Variants in KLHL13 observed in about 807,000 individuals in gnomAD.
KLHL13 encodes kelch like family member 13, also known as kelch-like protein 13.
Under a neutral mutation model 37.1 loss-of-function variants are expected in KLHL13, and 10 were observed. The ratio of observed to expected loss-of-function variants is 0.27; its 90% CI spans 0.17 to 0.46. The LOEUF is 0.46. Among genes scored for constraint, KLHL13 ranks in the 20% least tolerant of loss-of-function variants. The pLI is 1.00. For synonymous variants in KLHL13, 163 were observed against 181.2 expected (o/e 0.90, Z 0.81); for missense variants, 360 against 509.3 (o/e 0.71, Z 2.82).
chrX:118,076,589 A>G (rs1365297863), intron 1 of KLHL13, among the ~76,000 whole-genome samples: 1 of 111,742 alleles, frequency 8.9e-6, no homozygotes, highest in Non-Finnish European at 1.9e-5. Flanking sequence ...TTATGTGTCA[A>G]CATGGTTATT....
At chrX:118,080,098 AT>A (rs1439199289) in intron 1 of KLHL13, among the ~76,000 whole-genome samples, 1 of 112,033 alleles carries the variant, frequency 8.9e-6, no homozygotes, top group African/African-American at 3.2e-5. Context: ...ATGAAACTGG[AT>A]ACTTGCCTTT....
intron 1 of KLHL13, among the ~76,000 whole-genome samples, chrX:118,095,736 C>A (rs1481368663): frequency 8.9e-6 from 1 of 112,232 alleles, no homozygotes; most frequent in Admixed American, 9.5e-5. Flanking sequence ...GATTAAGAAA[C>A]TCATTCAAAA....
chrX:117,917,212 C>T (rs765241039), intron 4 of KLHL13, among the ~76,000 whole-genome samples: 35 of 111,420 alleles, frequency 3.1e-4, no homozygotes, highest in Admixed American at 1.1e-3. Context: ...TACTCTAAAA[C>T]CATACAGACA....
chrX:118,086,688 T>C (rs906662860), intron 1 of KLHL13, among the ~76,000 whole-genome samples: 25 of 112,022 alleles, frequency 2.2e-4, no homozygotes, highest in Non-Finnish European at 3.6e-4. Context: ...TGTATTTGCA[T>C]AGAAAACATC....
At chrX:118,070,908 T>TC (rs1471879189) in intron 1 of KLHL13, among the ~76,000 whole-genome samples, 3 of 107,136 alleles carry the variant, frequency 2.8e-5, no homozygotes, top group Admixed American at 2.0e-4. Context: ...CCTCCCCCCT[T>TC]CCCCCACCCC....
intron 1 of KLHL13, among the ~76,000 whole-genome samples, chrX:118,036,853 G>A (rs2054449493): frequency 9.2e-6 from 1 of 108,401 alleles, no homozygotes; most frequent in South Asian, 4.0e-4. Flanking sequence ...ATCTGACAAA[G>A]GGCTAATATC....
At chrX:117,928,359 T>C (rs1024861973) in intron 2 of KLHL13, among the ~76,000 whole-genome samples, 8 of 112,082 alleles carry the variant, frequency 7.1e-5, no homozygotes, top group Non-Finnish European at 1.3e-4. Context: ...CTTGACCTAA[T>C]TGGCATTTAC....
At chrX:118,044,956 A>C (rs1331887622) in intron 1 of KLHL13, among the ~76,000 whole-genome samples, 1 of 112,406 alleles carries the variant, frequency 8.9e-6, no homozygotes, top group East Asian at 2.8e-4. Flanking sequence ...AGACAACGAT[A>C]GATGGATAAT....
chrX:117,930,322 A>AGGCAGGCAGGC (rs1569418674), intron 2 of KLHL13, among the ~76,000 whole-genome samples: 30 of 74,792 alleles, frequency 4.0e-4, no homozygotes, highest in African/African-American at 1.3e-3. Context: ...GGCAGGCAGG[A>AGGCAGGCAGGC]AGGCAGGAAG....
At chrX:118,089,606 G>GAA (rs1569313786) in intron 1 of KLHL13, among the ~76,000 whole-genome samples, 30 of 76,752 alleles carry the variant, frequency 3.9e-4, no homozygotes, top group African/African-American at 1.4e-3. Context: ...GAGAGAGAGA[G>GAA]AGAGAGAAAG....
In KLHL13 at chrX:118,000,160, C is replaced by T. The variant is rs142103596; in HGVS notation, c.-55-54585G>A. On this transcript the variant is annotated intron_variant, in intron 1 of 6. Coordinates refer to the KLHL13 transcript ENST00000371882. ...AAGTGCACATAGGTATTTACTATTG[C>T]CCTTACCCAAAACAGACCAATCTCC... Among the ~76,000 whole-genome samples the T allele has an allele frequency of 1.5e-3, 166 of 111,083 alleles. 2 individuals carry two copies. The highest frequency in any genetic ancestry group is 5.2e-3 in the African/African-American group (160 of 30,523).
At chrX:117,929,294 A>G (rs763502235) in intron 2 of KLHL13, among the ~76,000 whole-genome samples, 16 of 112,009 alleles carry the variant, frequency 1.4e-4, no homozygotes, top group Non-Finnish European at 2.6e-4. Flanking sequence ...AATCCAGAAT[A>G]TTAGGAGGAG....
intron 1 of KLHL13, among the ~76,000 whole-genome samples, chrX:118,024,807 G>A (rs370344033): frequency 2.7e-5 from 3 of 111,639 alleles, no homozygotes; most frequent in Non-Finnish European, 5.7e-5. Flanking sequence ...AAAAACGTTT[G>A]GTAGTTTCTA....
At chrX:117,979,834 AT>A (rs781365549) in intron 1 of KLHL13, among the ~76,000 whole-genome samples, 2 of 111,833 alleles carry the variant, frequency 1.8e-5, no homozygotes, top group Non-Finnish European at 3.8e-5. Flanking sequence ...CAATAAAAAA[AT>A]CTCTATCACC....
chrX:117,908,206 G>A (rs182278276), intron 5 of KLHL13, among the ~76,000 whole-genome samples: 1 of 107,082 alleles, frequency 9.3e-6, no homozygotes, highest in East Asian at 2.9e-4. Flanking sequence ...CTTCCTTTCT[G>A]TCTTTCTGTC....
chrX:118,031,962 G>C (rs1175422182), intron 1 of KLHL13, among the ~76,000 whole-genome samples: 2 of 110,343 alleles, frequency 1.8e-5, no homozygotes, highest in Admixed American at 1.9e-4. Context: ...CCCTTTCCTA[G>C]TCAGAGAAAG....
At chrX:117,969,812 A>G (rs1186641038) in intron 1 of KLHL13, among the ~76,000 whole-genome samples, 2 of 111,909 alleles carry the variant, frequency 1.8e-5, no homozygotes, top group East Asian at 2.8e-4. Flanking sequence ...ACTATATAAG[A>G]TGCTATTTCT....
At chrX:117,999,786 C>A (rs766621155) in intron 1 of KLHL13, among the ~76,000 whole-genome samples, 1 of 111,206 alleles carries the variant, frequency 9.0e-6, no homozygotes, top group East Asian at 2.8e-4. Context: ...CATGGTGAAT[C>A]TGAAGCTGAG....
chrX:118,081,570 C>T (rs148543576), intron 1 of KLHL13, among the ~76,000 whole-genome samples: 1,590 of 111,766 alleles, frequency 0.014, 21 homozygotes, highest in Non-Finnish European at 0.021. Flanking sequence ...TCTATCACCT[C>T]AAACATTTAT....
Sources: gnomAD v4.1 joint callset for allele counts (sites outside exome capture counted in the v4.1 genomes callset) on GRCh38, gnomAD v4.1.1 for gene constraint, MANE v1.5 for transcripts, NCBI Gene and HGNC (gene_info 2026-07-23, HGNC 2026-07-21) for gene names.